Variants in DGLUCY observed in about 807,000 individuals in gnomAD.
DGLUCY encodes D-glutamate cyclase, also known as D-glutamate cyclase, mitochondrial.
In DGLUCY, 58 loss-of-function variants were observed where a neutral mutation model predicts 58.5. The observed-to-expected ratio is 0.99, with a 90% CI of 0.80 to 1.23. The LOEUF (loss-of-function observed/expected upper bound fraction) is 1.23. Among genes scored for constraint, DGLUCY ranks in the 50% most tolerant of loss-of-function variants. The pLI is 0.00. For synonymous variants in DGLUCY, 325 were observed against 314.1 expected, an observed-to-expected ratio of 1.03 and a Z score of -0.37; for missense variants, 779 against 784.7, an observed-to-expected ratio of 0.99 and a Z score of 0.09.
upstream of DGLUCY, among the ~76,000 whole-genome samples, chr14:91,110,854 C>T (rs2044681043): frequency 6.6e-6 from 1 of 152,072 alleles, no homozygotes; most frequent in South Asian, 2.1e-4. Context: ...GGTATGCCAC[C>T]ATCATCACTA....
chr14:91,156,703 A>G (rs2047639135), intron 1 of DGLUCY, among the ~76,000 whole-genome samples: 1 of 152,202 alleles, frequency 6.6e-6, no homozygotes, highest in Non-Finnish European at 1.5e-5. Context: ...CTAAAGAGAA[A>G]AGAGAGAGCT....
chr14:91,204,888 C>A (rs1438598642), intron 12 of DGLUCY, 63 bp downstream of exon 12: 1 of 1,604,290 alleles, frequency 6.2e-7, no homozygotes, highest in East Asian at 2.2e-5. Context: ...TGGCTTGGAG[C>A]CTGACCAGGC....
At chr14:91,161,960 C>T (rs1483060036) in intron 3 of DGLUCY, among the ~76,000 whole-genome samples, 1 of 152,092 alleles carries the variant, frequency 6.6e-6, no homozygotes, top group South Asian at 2.1e-4. Context: ...CCCAGGTTGA[C>T]GACTGCTTGC....
At chr14:91,155,541 G>A (rs1423912690) in intron 1 of DGLUCY, among the ~76,000 whole-genome samples, 2 of 152,096 alleles carry the variant, frequency 1.3e-5, no homozygotes, top group Admixed American at 1.3e-4. Context: ...CTTGCACGGC[G>A]GCTCACTCCT....
chr14:91,179,249 A>G (rs899115799), intron 7 of DGLUCY, among the ~76,000 whole-genome samples: 20 of 152,174 alleles, frequency 1.3e-4, no homozygotes, highest in African/African-American at 4.8e-4. Context: ...GGTATTAAGC[A>G]CTTAATGAGC....
At chr14:91,093,316 CTG>C (rs2044344119) in intron 1 of DGLUCY, among the ~76,000 whole-genome samples, 1 of 152,078 alleles carries the variant, frequency 6.6e-6, no homozygotes, top group African/African-American at 2.4e-5. Context: ...CATGAGGAAA[CTG>C]TGAGCAGGGA....
At chr14:91,154,040 G>T (rs369892211) in intron 1 of DGLUCY, among the ~76,000 whole-genome samples, 1 of 152,164 alleles carries the variant, frequency 6.6e-6, no homozygotes, top group African/African-American at 2.4e-5. Flanking sequence ...CAAGTAGCTG[G>T]AATTACGGGT....
intron 11 of DGLUCY, among the ~76,000 whole-genome samples, chr14:91,200,338 T>A (rs184914170): frequency 4.6e-5 from 7 of 152,298 alleles, no homozygotes; most frequent in South Asian, 2.1e-4. Context: ...AGACGGTCTT[T>A]GTTCATTACG....
At position 91,139,937 on chromosome 14, in the gene DGLUCY, C is replaced by G. The variant is rs541763290; in HGVS notation, c.-81-17702C>G. ...AGGGGGAAGAGGGAGGCTGTGGTCA[C>G]ATGACTGAATCCCCATGTTGCAAGA... On this transcript the variant is annotated intron_variant, in intron 1 of 13. Coordinates refer to ENST00000256324, the MANE Select transcript of DGLUCY (RefSeq NM_001102368.3). 2.2e-4 allele frequency among the ~76,000 whole-genome samples: 34 copies of G among 152,260 alleles called. 1 individual carries two copies. Among genetic ancestry groups the G allele is most frequent in the Middle Eastern group, 6.8e-3 (2 of 294 alleles).
At chr14:91,214,596 C>T (rs1013085671) in intron 12 of DGLUCY, among the ~76,000 whole-genome samples, 11 of 152,198 alleles carry the variant, frequency 7.2e-5, no homozygotes, top group East Asian at 1.9e-4. Flanking sequence ...TGGGTTTCTA[C>T]GGTTATTGCC....
upstream of DGLUCY, among the ~76,000 whole-genome samples, chr14:91,113,688 A>C (rs910075430): frequency 6.6e-6 from 1 of 152,122 alleles, no homozygotes; most frequent in Admixed American, 6.5e-5. Flanking sequence ...GAAATGCAGA[A>C]TCTCTGCCTG....
intron 8 of DGLUCY, among the ~76,000 whole-genome samples, chr14:91,184,550 T>TGAAA (rs367861135): frequency 0.17 from 16,551 of 95,450 alleles, 2,204 homozygotes; most frequent in Non-Finnish European, 0.2. Context: ...CAATACCCTG[T>TGAAA]GAAAGAAAGA....
chr14:91,166,224 C>T (rs1187129287), intron 3 of DGLUCY, among the ~76,000 whole-genome samples: 1 of 152,174 alleles, frequency 6.6e-6, no homozygotes, highest in Non-Finnish European at 1.5e-5. Context: ...ATTCATCAAG[C>T]TGTAGGTTCG....
chr14:91,095,928 A>C (rs2044388359), intron 1 of DGLUCY, among the ~76,000 whole-genome samples: 1 of 152,196 alleles, frequency 6.6e-6, no homozygotes, highest in Non-Finnish European at 1.5e-5. Context: ...TTTCCAAGGT[A>C]AAGTCTTGCT....
At chr14:91,129,969 C>T (rs2045939458) in intron 1 of DGLUCY, among the ~76,000 whole-genome samples, 1 of 152,128 alleles carries the variant, frequency 6.6e-6, no homozygotes, top group African/African-American at 2.4e-5. Context: ...TTTTGAGCTT[C>T]GTTTGTGTTG....
At chr14:91,190,474 G>A (rs2049816100) in intron 9 of DGLUCY, among the ~76,000 whole-genome samples, 1 of 152,188 alleles carries the variant, frequency 6.6e-6, no homozygotes, top group Non-Finnish European at 1.5e-5. Flanking sequence ...GGGCTGGGCG[G>A]TGGCAGCAGT....
At chr14:91,143,187 C>G (rs911406575) in intron 1 of DGLUCY, among the ~76,000 whole-genome samples, 4 of 151,824 alleles carry the variant, frequency 2.6e-5, no homozygotes, top group Admixed American at 2.0e-4. Context: ...GCTCTGCCTC[C>G]CGGGTTCATG....
chr14:91,176,181 C>A, intron 7 of DGLUCY, 125 bp downstream of exon 7: 1 of 1,137,950 alleles, frequency 8.8e-7, no homozygotes, highest in Non-Finnish European at 1.2e-6. Context: ...AAACACAAAA[C>A]AGAGGCCTAC....
At chr14:91,191,314 A>G (rs895588907) in intron 9 of DGLUCY, among the ~76,000 whole-genome samples, 1 of 152,096 alleles carries the variant, frequency 6.6e-6, no homozygotes, top group African/African-American at 2.4e-5. Context: ...GAATGGGGAG[A>G]GTTGTTTATA....
Sources: gnomAD v4.1 joint callset for allele counts (sites outside exome capture counted in the v4.1 genomes callset) on GRCh38, gnomAD v4.1.1 for gene constraint, MANE v1.5 for transcripts, NCBI Gene and HGNC (gene_info 2026-07-23, HGNC 2026-07-21) for gene names.